The following ISCA2 variants were observed in gnomAD, a reference collection of about 807,000 sequenced individuals.
ISCA2 encodes iron-sulfur cluster assembly 2.
Under a neutral mutation model 19.1 loss-of-function variants are expected in ISCA2, and 21 were observed. The ratio of observed to expected loss-of-function variants is 1.10; its 90% CI spans 0.78 to 1.59. ISCA2 has a LOEUF of 1.59. Ranked by LOEUF, ISCA2 falls within the 40% of genes most tolerant of loss-of-function variation. The pLI, the probability that ISCA2 is intolerant of heterozygous loss-of-function variation, is 0.00. For synonymous variants in ISCA2, 107 were observed against 83.8 expected (o/e 1.28, Z -1.51); for missense variants, 181 against 191.7 (o/e 0.94, Z 0.33).
rs1462276124 is a variant in ISCA2, at chr14:74,494,167, G to A, written c.174+15G>A. ...GTTGCGTCCAGGTAGGAGGCCGGAC[G>A]CGGAGCGGCGGTACCCAGGCGATTG... On this transcript the variant is annotated intron_variant, in intron 2 of 3. Coordinates refer to ENST00000556816, the MANE Select transcript of ISCA2 (RefSeq NM_194279.4). 2 of 1,585,408 alleles carry A rather than the reference G, an allele frequency of 1.3e-6. No individual in the cohort carries two copies. The highest frequency in any genetic ancestry group is 4.6e-5 in the East Asian group (2 of 43,210).
chr14:74,494,386 G>C lies in ISCA2; in HGVS notation c.286G>C (p.Asp96His). The C allele has an allele frequency of 2.5e-6, 4 of 1,611,302 alleles. No homozygotes were observed. In the South Asian group the frequency reaches 3.3e-5, roughly 13 times the overall value. Residue 96 changes from aspartate (D) to histidine (H), a missense_variant, in exon 3 of 4, where the codon GAC becomes CAC. Asp to His is a moderately conservative substitution (Grantham distance 81, BLOSUM62 -1). Coordinates refer to ENST00000556816, the MANE Select transcript of ISCA2 (RefSeq NM_194279.4). ...ACTGGATACAGTTATCAACCCCGAC[G>C]ACAGGCAAGGAGGAAGGGGTGGGCC... is the stretch of plus-strand genomic sequence containing the variant. Reference protein sequence around the residue: ...FSLDTVINPDDRVFEQGGARV... With the variant: ...FSLDTVINPDHRVFEQGGARV...
At chr14:74,494,607 A>G in intron 3 of ISCA2, 1 of 618,534 alleles carries the variant, frequency 1.6e-6, no homozygotes, top group South Asian at 2.0e-5. Context: ...GGTAGTCGGT[A>G]GAAAGTCAGG....
chr14:74,494,898 G>A lies in ISCA2; in HGVS notation c.363G>A (p.Val121=). 1 of 1,614,068 alleles carries A rather than the reference G, an allele frequency of 6.2e-7. No homozygotes were observed. Among genetic ancestry groups the A allele is most frequent in the Non-Finnish European group, 8.5e-7 (1 of 1,179,972 alleles). The change falls in exon 4 of 4, where the codon GTG becomes GTA. Residue 121 remains valine, a synonymous_variant. Transcript: ENST00000556816. ...TGGCCTTCGTGAAAGGGGCCCAGGTGGACTTCAGCCAAGAACTGATCCGAA... is the reference window on the plus strand; with the variant it reads ...TGGCCTTCGTGAAAGGGGCCCAGGTAGACTTCAGCCAAGAACTGATCCGAA... The part of the protein sequence containing the change: ...DSLAFVKGAQ[V]DFSQELIRSS...
intron 3 of ISCA2, 42 bp from the exon 4 acceptor site, chr14:74,494,784 G>T (rs1206225697): frequency 1.3e-6 from 2 of 1,575,682 alleles, no homozygotes; most frequent in Admixed American, 1.8e-5. Context: ...TGTCTTTTTT[G>T]TGTTTGCGAT....
At chr14:74,494,432 G>T in intron 3 of ISCA2, 42 bp downstream of exon 3, 1 of 1,390,062 alleles carries the variant, frequency 7.2e-7, no homozygotes, top group Non-Finnish European at 1.0e-6. Context: ...GTACAGGAGG[G>T]ACAAAAGTGT....
Position 74,495,629 on chromosome 14 carries a change from C to G in ISCA2, c.*629C>G, listed in dbSNP as rs2086839140. 1 of 152,194 alleles carries G rather than the reference C, an allele frequency of 6.6e-6. No homozygotes were observed. The highest frequency in any genetic ancestry group is 6.5e-5 in the Admixed American group (1 of 15,288). The allele number at this position is 152,194 out of a possible 1,614,324, so 9.4% of individuals were successfully genotyped here. A position where few individuals can be genotyped will look rare whatever the true frequency, so the allele number is the denominator to read the frequency against. On this transcript the variant is annotated 3_prime_UTR_variant, in exon 4 of 4. Transcript: ENST00000556816. ...CCAGAAAACTTGGACCAAACCCTCA[C>G]TGATAGTGAATTATTTCAAAAATAG...
In ISCA2 at chr14:74,493,975, G is replaced by T; in HGVS notation, c.72-75G>T. ...GTCCAGGTGGGGGTCGCCAGGTTTA[G>T]CGTGAGGCGCTCCAGGTCGAGGGTT... On this transcript the variant is annotated intron_variant, in intron 1 of 3. Transcript: ENST00000556816. This position sits in a 1 kb window ranked among gnomAD's most constrained non-coding sequence, Gnocchi z 4.1. 2 of 1,482,898 alleles carry T rather than the reference G, an allele frequency of 1.3e-6. No individual in the cohort carries two copies. Among genetic ancestry groups the T allele is most frequent in the Middle Eastern group, 1.7e-4 (1 of 5,804 alleles). The allele number at this position is 1,482,898 out of a possible 1,614,324, so 91.9% of individuals were successfully genotyped here.
In ISCA2 at chr14:74,494,897, T is replaced by C; in HGVS notation, c.362T>C (p.Val121Ala). The change falls in exon 4 of 4, where the codon GTG (valine) becomes GCG (alanine). Residue 121 changes from valine (V) to alanine (A), a missense_variant. Physicochemically the swap from Val to Ala is moderately conservative, Grantham distance 64 (BLOSUM62 0). Coordinates refer to ENST00000556816, the MANE Select transcript of ISCA2 (RefSeq NM_194279.4). Reference sequence around the variant, plus strand: ...TTGGCCTTCGTGAAAGGGGCCCAGGTGGACTTCAGCCAAGAACTGATCCGA... The same window carrying C: ...TTGGCCTTCGTGAAAGGGGCCCAGGCGGACTTCAGCCAAGAACTGATCCGA... ...DSLAFVKGAQ[V>A]DFSQELIRSS... 7 of 1,614,140 alleles carry C rather than the reference T, an allele frequency of 4.3e-6. No individual in the cohort carries two copies. The highest frequency in any genetic ancestry group is 5.9e-6 in the Non-Finnish European group (7 of 1,179,990).
Position 74,495,316 on chromosome 14 carries a change from G to A in ISCA2, c.*316G>A. On this transcript the variant is annotated 3_prime_UTR_variant, in exon 4 of 4. Coordinates refer to ENST00000556816, the MANE Select transcript of ISCA2 (RefSeq NM_194279.4). ...GGAATTAACTTCTCTTGCCTTAAGA[G>A]CTGCTTGTACATATGTGGATAGCTA... The A allele has an allele frequency of 4.1e-6, 1 of 245,222 alleles. No homozygotes were observed. The allele number at this position is 245,222 out of a possible 1,614,324, so 15.2% of individuals were successfully genotyped here.
chr14:74,494,098 C>G lies in ISCA2; in HGVS notation c.120C>G (p.Ser40=). 6.4e-7 allele frequency: 1 copy of G among 1,570,776 alleles called. No homozygotes were observed. Among genetic ancestry groups the G allele is most frequent in the Non-Finnish European group, 8.6e-7 (1 of 1,161,484 alleles). ...CCCAGGCGCGTCGGGAGGCGTCGTCCTCCAGCCCCGAGGCCGGCGAAGGGC... is the reference window on the plus strand; with the variant it reads ...CCCAGGCGCGTCGGGAGGCGTCGTCGTCCAGCCCCGAGGCCGGCGAAGGGC... ...LGPQARREAS[S]SSPEAGEGQI... is the part of the protein sequence containing the mutation. The change falls in exon 2 of 4, where the codon TCC becomes TCG. Residue 40 remains serine, a synonymous_variant. Coordinates refer to ENST00000556816, the MANE Select transcript of ISCA2 (RefSeq NM_194279.4).
In ISCA2 at chr14:74,495,242, C is replaced by T. The variant is rs777963559; in HGVS notation, c.*242C>T. On this transcript the variant is annotated 3_prime_UTR_variant, in exon 4 of 4. Transcript: ENST00000556816. ...GATGCTGTTACCTCAGATTTAATCA[C>T]TGGTTGAAACTCCGTATAATCTGTA... 5.6e-5 allele frequency: 25 copies of T among 442,644 alleles called. No individual in the cohort carries two copies. The highest frequency in any genetic ancestry group is 9.2e-5 in the Non-Finnish European group (23 of 249,218). The allele number at this position is 442,644 out of a possible 1,614,324, so 27.4% of individuals were successfully genotyped here.
Position 74,493,900 on chromosome 14 carries a change from C to A in ISCA2, c.71+55C>A. The A allele has an allele frequency of 2.0e-6, 3 of 1,518,648 alleles. No individual in the cohort carries two copies. Among genetic ancestry groups the A allele is most frequent in the Non-Finnish European group, 2.7e-6 (3 of 1,118,324 alleles). 94.1% of individuals were successfully genotyped at this position (1,518,648 alleles called of 1,614,324 possible). A position where few individuals can be genotyped will look rare whatever the true frequency, so the allele number is the denominator to read the frequency against. ...GGTGTTTGGTTCTGCGCCTCTAGGA[C>A]AAATGGGAAACTAAGGCCTGTGGGG... On this transcript the variant is annotated intron_variant, in intron 1 of 3. Transcript: ENST00000556816. This position sits in a 1 kb window ranked among gnomAD's most constrained non-coding sequence, Gnocchi z 4.1.
At chr14:74,494,751 T>G (rs2086827383) in intron 3 of ISCA2, 75 bp from the exon 4 acceptor site, 1 of 1,283,300 alleles carries the variant, frequency 7.8e-7, no homozygotes. Context: ...AAACAGAGGA[T>G]GTGCACCTCT....
At position 74,495,267 on chromosome 14, in the gene ISCA2, A is replaced by G; in HGVS notation, c.*267A>G. 1 of 365,330 alleles carries G rather than the reference A, an allele frequency of 2.7e-6. No homozygotes were observed. The highest frequency in any genetic ancestry group is 5.1e-5 in the East Asian group (1 of 19,734). The allele number at this position is 365,330 out of a possible 1,614,324, so 22.6% of individuals were successfully genotyped here. The stretch of plus-strand genomic sequence containing the variant: ...CTGGTTGAAACTCCGTATAATCTGT[A>G]GAGCCTCCATGGCTCTAAAATTTGG... On this transcript the variant is annotated 3_prime_UTR_variant, in exon 4 of 4. Coordinates refer to ENST00000556816, the MANE Select transcript of ISCA2 (RefSeq NM_194279.4).
chr14:74,495,255 C>T lies in ISCA2; in HGVS notation c.*255C>T, dbSNP rs749717667. 5.7e-5 allele frequency: 23 copies of T among 407,000 alleles called. No individual in the cohort carries two copies. Among genetic ancestry groups the T allele is most frequent in the Admixed American group, 8.3e-5 (2 of 24,138 alleles). 25.2% of individuals were successfully genotyped at this position (407,000 alleles called of 1,614,324 possible). A position where few individuals can be genotyped will look rare whatever the true frequency, so the allele number is the denominator to read the frequency against. On this transcript the variant is annotated 3_prime_UTR_variant, in exon 4 of 4. Coordinates refer to ENST00000556816, the MANE Select transcript of ISCA2 (RefSeq NM_194279.4). ...CAGATTTAATCACTGGTTGAAACTC[C>T]GTATAATCTGTAGAGCCTCCATGGC...
At position 74,495,530 on chromosome 14, in the gene ISCA2, G is replaced by A. The variant is rs4903231; in HGVS notation, c.*530G>A. 96,578 of 152,148 alleles carry A rather than the reference G, an allele frequency of 0.63. 30,992 individuals carry two copies. The highest frequency in any genetic ancestry group is 0.72 in the South Asian group (3,475 of 4,820). 9.4% of individuals were successfully genotyped at this position (152,148 alleles called of 1,614,324 possible). ...CTATGCAACCCATTTGCCACTTCCTGTTTGATAGGACAGATACATTTTACT... is the reference window on the plus strand; with the variant it reads ...CTATGCAACCCATTTGCCACTTCCTATTTGATAGGACAGATACATTTTACT... On this transcript the variant is annotated 3_prime_UTR_variant, in exon 4 of 4. Transcript: ENST00000556816.
In ISCA2 at chr14:74,496,656, T is replaced by C. The variant is rs2086849793; in HGVS notation, c.*1656T>C. 1 of 151,424 alleles carries C rather than the reference T, an allele frequency of 6.6e-6. No homozygotes were observed. The highest frequency in any genetic ancestry group is 2.5e-5 in the African/African-American group (1 of 40,710). 9.4% of individuals were successfully genotyped at this position (151,424 alleles called of 1,614,324 possible). A position where few individuals can be genotyped will look rare whatever the true frequency, so the allele number is the denominator to read the frequency against. ...TCTTTAAGAATATTTTTGTGGGTTA[T>C]TTATTGATTTTGTGGTTTTAAAACT... On this transcript the variant is annotated 3_prime_UTR_variant, in exon 4 of 4. Transcript: ENST00000556816.
chr14:74,494,722 G>C (rs1271258683), intron 3 of ISCA2, 104 bp from the exon 4 acceptor site: 5 of 967,992 alleles, frequency 5.2e-6, no homozygotes, highest in Non-Finnish European at 6.2e-6. Context: ...TAATGGGGAA[G>C]CTCCCTCTGT....
Position 74,494,094 on chromosome 14 carries a change from C to G in ISCA2, c.116C>G (p.Ser39Trp). 1 of 1,567,498 alleles carries G rather than the reference C, an allele frequency of 6.4e-7. No homozygotes were observed. The highest frequency in any genetic ancestry group is 1.3e-5 in the African/African-American group (1 of 74,154). Residue 39 changes from serine to tryptophan, a missense_variant, in exon 2 of 4, where the codon TCG becomes TGG. By Grantham distance (177) the Ser-to-Trp change is radical. Transcript: ENST00000556816. ...SLGPQARREA[S>W]SSSPEAGEGQ... is the part of the protein sequence containing the mutation. ...GGACCCCAGGCGCGTCGGGAGGCGT[C>G]GTCCTCCAGCCCCGAGGCCGGCGAA...
Sources: gnomAD v4.1 joint callset for allele counts on GRCh38, gnomAD v4.1.1 for gene constraint, Gnocchi (gnomAD v3.1) non-coding constraint, MANE v1.5 for transcripts, NCBI Gene and HGNC (gene_info 2026-07-23, HGNC 2026-07-21) for gene names.